Variants in DNAH14 observed in about 807,000 individuals in gnomAD.
DNAH14 encodes the protein axonemal beta dynein heavy chain 14.
DNAH14 carries 478 observed loss-of-function variants against 520.9 expected under a neutral mutation model. That is an observed-to-expected ratio of 0.92 (90% confidence interval 0.85 to 0.99). DNAH14 has a LOEUF of 0.99. DNAH14 is among the 50% of genes least tolerant of loss of function. DNAH14 has a pLI of 0.00. For synonymous variants in DNAH14, 1,581 were observed against 1,757.2 expected (o/e 0.90, Z 2.51); for missense variants, 4,831 against 5,234.5 (o/e 0.92, Z 2.38).
At chr1:225,042,100 G>T (rs1052218511) in intron 12 of DNAH14, among the ~76,000 whole-genome samples, 1 of 152,074 alleles carries the variant, frequency 6.6e-6, no homozygotes, top group African/African-American at 2.4e-5. Flanking sequence ...AGCTTAATAA[G>T]GTGCTATGAG....
intron 41 of DNAH14, among the ~76,000 whole-genome samples, chr1:225,227,249 C>T (rs2090626755): frequency 6.6e-6 from 1 of 152,044 alleles, no homozygotes; most frequent in Non-Finnish European, 1.5e-5. Flanking sequence ...AGGGGGAAAC[C>T]TTGGACAATA....
At chr1:225,019,331 C>G (rs144043287) in intron 10 of DNAH14, among the ~76,000 whole-genome samples, 1 of 152,060 alleles carries the variant, frequency 6.6e-6, no homozygotes, top group Non-Finnish European at 1.5e-5. Flanking sequence ...ACAAAGAAGG[C>G]CATTACATAA....
chr1:225,342,992 G>A (rs150780228), intron 69 of DNAH14, among the ~76,000 whole-genome samples: 157 of 152,254 alleles, frequency 1.0e-3, no homozygotes, highest in African/African-American at 3.6e-3. Flanking sequence ...CCGGAAGCAA[G>A]ACAGATCTGC....
At position 225,149,935 on chromosome 1, in the gene DNAH14, A is replaced by G. The variant is rs1212542650; in HGVS notation, c.4941-2070A>G. On this transcript the variant is annotated intron_variant, in intron 31 of 85. Coordinates refer to ENST00000682510, the MANE Select transcript of DNAH14 (RefSeq NM_001367479.1). ...TGCTCTGGCCAGAACTTCCAAGACTATGTTGAATAGGAGTGGTGAGAGAGG... is the reference window on the plus strand; with the variant it reads ...TGCTCTGGCCAGAACTTCCAAGACTGTGTTGAATAGGAGTGGTGAGAGAGG... Among the ~76,000 whole-genome samples the G allele has an allele frequency of 2.6e-5, 4 of 152,218 alleles. 1 individual carries two copies. Among genetic ancestry groups the G allele is most frequent in the African/African-American group, 2.4e-5 (1 of 41,526 alleles).
chr1:225,268,137 G>A (rs2093186568), intron 49 of DNAH14, among the ~76,000 whole-genome samples: 1 of 151,942 alleles, frequency 6.6e-6, no homozygotes, highest in Non-Finnish European at 1.5e-5. Flanking sequence ...ATAACATATT[G>A]CTTATTTTTT....
intron 41 of DNAH14, among the ~76,000 whole-genome samples, chr1:225,218,502 G>A (rs1462819023): frequency 6.6e-5 from 10 of 151,736 alleles, no homozygotes; most frequent in African/African-American, 2.4e-4. Context: ...AAAAAGCAGG[G>A]GTTGCAATCC....
chr1:225,299,061 T>G (rs1211702572), intron 55 of DNAH14, among the ~76,000 whole-genome samples: 1 of 152,222 alleles, frequency 6.6e-6, no homozygotes, highest in Non-Finnish European at 1.5e-5. Flanking sequence ...AGTCAAATCT[T>G]AGCTGTTTGT....
chr1:225,374,615 T>C, intron 77 of DNAH14, 73 bp from the exon 78 acceptor site: 2 of 1,300,292 alleles, frequency 1.5e-6, no homozygotes, highest in Non-Finnish European at 2.1e-6. Flanking sequence ...AGAGTTGATT[T>C]TATGTTAAAA....
intron 8 of DNAH14, among the ~76,000 whole-genome samples, chr1:224,975,432 A>C (rs1316989236): frequency 1.3e-5 from 2 of 151,948 alleles, no homozygotes; most frequent in African/African-American, 4.8e-5. Context: ...CAGAGATTCA[A>C]CTTCTTCCTG....
At chr1:224,987,524 T>G (rs531588621) in intron 8 of DNAH14, among the ~76,000 whole-genome samples, 15 of 152,298 alleles carry the variant, frequency 9.8e-5, no homozygotes, top group African/African-American at 3.6e-4. Context: ...ACAACTGGCA[T>G]CCGTTTAGGG....
Position 225,374,683 on chromosome 1 carries a change from C to T in DNAH14, c.12319-5C>T, listed in dbSNP as rs10915816. The T allele has an allele frequency of 0.81, 1,254,534 of 1,540,378 alleles. 518,046 individuals are homozygous for T. Among genetic ancestry groups the T allele is most frequent in the East Asian group, 0.96 (39,290 of 40,802 alleles). On this transcript the variant is annotated splice_polypyrimidine_tract_variant and splice_region_variant and intron_variant, in intron 77 of 85. Transcript: ENST00000682510. ...AAATAATAAAGACTCATGGGTTTTC[C>T]AAAGGTTGCCATTAAGGTGTTGGAA...
Position 224,964,637 on chromosome 1 carries a change from T to A in DNAH14, c.498+28T>A, listed in dbSNP as rs746675905. The stretch of plus-strand genomic sequence containing the variant: ...ATTGTTCTATTTTATTTAATTTTGA[T>A]CTTTAAAAATCAATATTGAAATTAT... On this transcript the variant is annotated intron_variant, in intron 5 of 85. Transcript: ENST00000682510. 1.2e-5 allele frequency: 17 copies of A among 1,459,662 alleles called. No homozygotes were observed. The East Asian group carries it at 4.1e-4, about 35-fold the overall frequency. 90.4% of individuals were successfully genotyped at this position (1,459,662 alleles called of 1,614,324 possible). A position where few individuals can be genotyped will look rare whatever the true frequency, so the allele number is the denominator to read the frequency against.
In DNAH14 at chr1:225,152,838, G is replaced by C; in HGVS notation, c.5151G>C (p.Lys1717Asn). Reference protein sequence around the residue: ...GFKSANSLSGKLTNLYELARK... With the variant: ...GFKSANSLSGNLTNLYELARK... ...AATCTGCAAATTCACTCTCTGGAAA[G>C]CTAACTAACCTTTATGAATTAGCGC... is the stretch of plus-strand genomic sequence containing the variant. The change falls in exon 33 of 86, where the codon AAG becomes AAC. Residue 1717 changes from lysine to asparagine, a missense_variant. Lys to Asn is a moderately conservative substitution (Grantham distance 94). Coordinates refer to ENST00000682510, the MANE Select transcript of DNAH14 (RefSeq NM_001367479.1). 3 of 1,551,146 alleles carry C rather than the reference G, an allele frequency of 1.9e-6. No homozygotes were observed. Among genetic ancestry groups the C allele is most frequent in the Non-Finnish European group, 2.6e-6 (3 of 1,146,800 alleles).
At chr1:225,196,636 G>A (rs1283471510) in intron 38 of DNAH14, among the ~76,000 whole-genome samples, 1 of 152,134 alleles carries the variant, frequency 6.6e-6, no homozygotes, top group Non-Finnish European at 1.5e-5. Context: ...CCCACCAGCA[G>A]TGTAGAAGTG....
chr1:225,393,488 A>G (rs139429291), intron 84 of DNAH14, among the ~76,000 whole-genome samples: 17 of 152,380 alleles, frequency 1.1e-4, no homozygotes, highest in African/African-American at 3.8e-4. Context: ...ATACATAGAA[A>G]TGCATGGATG....
chr1:225,100,740 C>T lies in DNAH14; in HGVS notation c.3723C>T (p.Phe1241=). The T allele has an allele frequency of 6.6e-7, 1 of 1,516,222 alleles. No homozygotes were observed. The highest frequency in any genetic ancestry group is 1.4e-5 in the African/African-American group (1 of 70,918). The allele number at this position is 1,516,222 out of a possible 1,614,324, so 93.9% of individuals were successfully genotyped here. A position where few individuals can be genotyped will look rare whatever the true frequency, so the allele number is the denominator to read the frequency against. Residue 1241 remains phenylalanine, a synonymous_variant, in exon 23 of 86, where the codon TTC becomes TTT. Coordinates refer to ENST00000682510, the MANE Select transcript of DNAH14 (RefSeq NM_001367479.1). Reference sequence around the variant, plus strand: ...AACTCCCAGCAGAAACAGAACTTTTCTCTCAAGTGATTTCCATGTGGAAAA... The same window carrying T: ...AACTCCCAGCAGAAACAGAACTTTTTTCTCAAGTGATTTCCATGTGGAAAA... ...RRQLPAETEL[F]SQVISMWKKI... is the part of the protein sequence containing the mutation.
chr1:225,056,882 T>G (rs2069173746), intron 17 of DNAH14, among the ~76,000 whole-genome samples: 1 of 152,210 alleles, frequency 6.6e-6, no homozygotes, highest in African/African-American at 2.4e-5. Context: ...TCTGTTCCGT[T>G]GGTCTATATC....
At chr1:225,305,161 C>A in intron 58 of DNAH14, 72 bp downstream of exon 58, 1 of 1,456,816 alleles carries the variant, frequency 6.9e-7, no homozygotes, top group East Asian at 2.7e-5. Context: ...GACACAAATG[C>A]AAAATGGTGA....
chr1:225,319,885 G>T (rs2094529746), intron 61 of DNAH14, among the ~76,000 whole-genome samples: 1 of 152,152 alleles, frequency 6.6e-6, no homozygotes, highest in Non-Finnish European at 1.5e-5. Flanking sequence ...TCTGAAGACA[G>T]AAATGTGCTT....
Sources: allele counts gnomAD v4.1 joint callset (sites outside exome capture counted in the v4.1 genomes callset), GRCh38; gene constraint gnomAD v4.1.1; transcripts MANE v1.5; gene names NCBI Gene and HGNC (gene_info 2026-07-23, HGNC 2026-07-21).